RIT2: variants seen among roughly 807,000 people sequenced by gnomAD.
RIT2 encodes the protein GTP-binding protein Rit2.
Under a neutral mutation model 23.7 loss-of-function variants are expected in RIT2, and 24 were observed. That is an observed-to-expected ratio of 1.01 (90% CI 0.73 to 1.43). RIT2 has a LOEUF of 1.43. Among genes scored for constraint, RIT2 ranks in the 40% most tolerant of loss-of-function variants. RIT2 has a pLI of 0.00. For synonymous variants in RIT2, 107 were observed against 91.1 expected (o/e 1.17, Z -0.99); for missense variants, 236 against 266.9 (o/e 0.88, Z 0.81).
intron 1 of RIT2, among the ~76,000 whole-genome samples, chr18:43,086,635 T>C (rs1913289443): frequency 1.3e-5 from 2 of 152,110 alleles, no homozygotes; most frequent in South Asian, 4.1e-4. Flanking sequence ...CAAAAGGCAC[T>C]GCACGGCTGG....
chr18:43,000,664 A>C (rs1013477042), intron 2 of RIT2, among the ~76,000 whole-genome samples: 1 of 151,862 alleles, frequency 6.6e-6, no homozygotes, highest in East Asian at 1.9e-4. Flanking sequence ...CTGTTCTCAT[A>C]ATAGTGAGTT....
intron 2 of RIT2, among the ~76,000 whole-genome samples, chr18:42,991,226 C>G (rs555453858): frequency 1.3e-5 from 2 of 152,080 alleles, no homozygotes; most frequent in African/African-American, 4.8e-5. Flanking sequence ...GTTACAGGCT[C>G]GTGTATCCAA....
chr18:42,818,064 ATTT>A (rs1392873673), intron 4 of RIT2, among the ~76,000 whole-genome samples: 1 of 152,008 alleles, frequency 6.6e-6, no homozygotes, highest in Non-Finnish European at 1.5e-5. Context: ...TATAAGATGA[ATTT>A]TTATTAAAAA....
At chr18:42,973,165 C>G (rs1315454397) in intron 3 of RIT2, among the ~76,000 whole-genome samples, 1 of 151,554 alleles carries the variant, frequency 6.6e-6, no homozygotes, top group South Asian at 2.1e-4. Context: ...TCTTTTAACC[C>G]AAATATAGGG....
At chr18:43,028,075 C>A (rs1181562693) in intron 2 of RIT2, among the ~76,000 whole-genome samples, 2 of 151,834 alleles carry the variant, frequency 1.3e-5, no homozygotes, top group East Asian at 3.9e-4. Context: ...GGAAGATGAA[C>A]AAAAAATTAA....
At chr18:43,003,860 G>C (rs1173356486) in intron 2 of RIT2, among the ~76,000 whole-genome samples, 1 of 150,004 alleles carries the variant, frequency 6.7e-6, no homozygotes, top group African/African-American at 2.5e-5. Context: ...TTGTCAGTAT[G>C]GTCTAGAATA....
intron 4 of RIT2, among the ~76,000 whole-genome samples, chr18:42,814,879 G>A (rs550222271): frequency 6.6e-6 from 1 of 152,270 alleles, no homozygotes; most frequent in East Asian, 1.9e-4. Flanking sequence ...TACCAGCCTG[G>A]AGCCTGGTAG....
At chr18:42,937,195 T>C (rs1342986946) in intron 3 of RIT2, among the ~76,000 whole-genome samples, 1 of 152,164 alleles carries the variant, frequency 6.6e-6, no homozygotes. Context: ...AAAAATGCCT[T>C]CCTCTATGTT....
At chr18:42,860,302 T>C (rs1907292732) in intron 4 of RIT2, among the ~76,000 whole-genome samples, 1 of 152,170 alleles carries the variant, frequency 6.6e-6, no homozygotes, top group Non-Finnish European at 1.5e-5. Context: ...TTTAAGACCA[T>C]GGAACTGAGA....
chr18:42,782,972 G>A (rs569830884), intron 4 of RIT2, among the ~76,000 whole-genome samples: 2 of 152,148 alleles, frequency 1.3e-5, no homozygotes, highest in African/African-American at 2.4e-5. Context: ...CAGGACAATC[G>A]TTGATGGGTA....
chr18:42,875,459 T>C lies in RIT2; in HGVS notation c.426+48113A>G, dbSNP rs868317360. ...TGTACTAGTAAATTGTGTTGTGCTGTTGCTGATGTTTTTATTTCTCCATGA... is the reference window on the plus strand; with the variant it reads ...TGTACTAGTAAATTGTGTTGTGCTGCTGCTGATGTTTTTATTTCTCCATGA... On this transcript the variant is annotated intron_variant, in intron 4 of 4. Coordinates refer to ENST00000326695, the MANE Select transcript of RIT2 (RefSeq NM_002930.4). Among the ~76,000 whole-genome samples, 4 of 151,970 alleles carry C rather than the reference T, an allele frequency of 2.6e-5. No homozygotes were observed. The South Asian group carries it at 6.2e-4, about 24-fold the overall frequency.
intron 2 of RIT2, among the ~76,000 whole-genome samples, chr18:42,981,548 TA>T (rs1383472769): frequency 1.3e-5 from 2 of 152,006 alleles, no homozygotes; most frequent in Non-Finnish European, 2.9e-5. Context: ...TTGTTCCTGC[TA>T]TGTAAAATTT....
At chr18:43,037,981 G>T (rs1912020253) in intron 1 of RIT2, among the ~76,000 whole-genome samples, 1 of 151,976 alleles carries the variant, frequency 6.6e-6, no homozygotes, top group Admixed American at 6.6e-5. Flanking sequence ...AAGGCGGGCG[G>T]ATCACGAGGT....
At chr18:43,030,977 T>C (rs925587707) in intron 2 of RIT2, among the ~76,000 whole-genome samples, 1 of 152,078 alleles carries the variant, frequency 6.6e-6, no homozygotes, top group Non-Finnish European at 1.5e-5. Context: ...TATAAGACTG[T>C]AGGTATCTAA....
At chr18:43,062,126 G>A (rs1229224118) in intron 1 of RIT2, among the ~76,000 whole-genome samples, 1 of 152,026 alleles carries the variant, frequency 6.6e-6, no homozygotes, top group East Asian at 1.9e-4. Context: ...ACTGAATTAA[G>A]GGAGCAAAAA....
rs115588334 is a variant in RIT2 at position 42,975,055 on chromosome 18, C to T, written c.161-908G>A. ...ATTACCACACCACTTTCCACAATGG[C>T]TGAACTGATTTTCACTCCCAGCAGC... On this transcript the variant is annotated intron_variant, in intron 2 of 4. Transcript: ENST00000326695. Among the ~76,000 whole-genome samples the T allele has an allele frequency of 8.1e-3, 1,227 of 152,160 alleles. 28 individuals are homozygous for T. The highest frequency in any genetic ancestry group is 0.028 in the African/African-American group (1,161 of 41,540).
chr18:42,887,335 T>C (rs2144088191), intron 4 of RIT2, among the ~76,000 whole-genome samples: 1 of 152,328 alleles, frequency 6.6e-6, no homozygotes, highest in African/African-American at 2.4e-5. Flanking sequence ...TCATGTTATT[T>C]AAGATTTTAT....
At chr18:43,082,688 C>CAAA (rs36084920) in intron 1 of RIT2, among the ~76,000 whole-genome samples, 116 of 149,122 alleles carry the variant, frequency 7.8e-4, no homozygotes, top group East Asian at 3.9e-3. Flanking sequence ...CCTCTTCATG[C>CAAA]AAAAAAAAAC....
chr18:42,973,965 T>G (rs184077914), intron 3 of RIT2, 109 bp downstream of exon 3: 1 of 652,098 alleles, frequency 1.5e-6, no homozygotes, highest in African/African-American at 1.9e-5. Context: ...ATCACAAATT[T>G]GTTCTTCTTC....
Sources: gnomAD v4.1 joint callset for allele counts (sites outside exome capture counted in the v4.1 genomes callset) on GRCh38, gnomAD v4.1.1 for gene constraint, MANE v1.5 for transcripts, NCBI Gene and HGNC (gene_info 2026-07-23, HGNC 2026-07-21) for gene names.